BOK: variants seen among roughly 807,000 people sequenced by gnomAD.
BOK encodes the protein bcl-2-related ovarian killer protein.
Under a neutral mutation model 18.3 loss-of-function variants are expected in BOK, and 20 were observed. The ratio of observed to expected loss-of-function variants is 1.09; its 90% CI spans 0.77 to 1.59. BOK has a LOEUF of 1.59. Among genes scored for constraint, BOK ranks in the 40% most tolerant of loss-of-function variants. BOK has a pLI of 0.00. For missense variants in BOK, 348 were observed against 307.9 expected (o/e 1.13, Z -0.97); for synonymous variants, 173 against 142.4 (o/e 1.21, Z -1.53).
chr2:241,564,727 G>A (rs1395923780), intron 3 of BOK, among the ~76,000 whole-genome samples: 1 of 152,194 alleles, frequency 6.6e-6, no homozygotes, highest in African/African-American at 2.4e-5. Flanking sequence ...GGGGTGGAAG[G>A]CATCCTGGGC....
At chr2:241,568,629 G>A (rs1034293091) in intron 3 of BOK, among the ~76,000 whole-genome samples, 7 of 152,048 alleles carry the variant, frequency 4.6e-5, no homozygotes, top group Non-Finnish European at 1.0e-4. Flanking sequence ...TGTTGGCCGG[G>A]CTGGTCTTGA....
At chr2:241,571,705 A>G (rs1170940675) in intron 4 of BOK, among the ~76,000 whole-genome samples, 1 of 152,246 alleles carries the variant, frequency 6.6e-6, no homozygotes, top group African/African-American at 2.4e-5. Context: ...TCCAGGCTGC[A>G]GGGAAAAGCC....
chr2:241,572,275 C>G (rs555162600), intron 4 of BOK, 22 bp from the exon 5 acceptor site: 4 of 1,607,078 alleles, frequency 2.5e-6, no homozygotes, highest in Non-Finnish European at 3.4e-6. Context: ...TGCTTTCTAA[C>G]GGTCTCCCTC....
chr2:241,559,410 C>G, intron 1 of BOK, 45 bp from the exon 2 acceptor site: 1 of 1,229,924 alleles, frequency 8.1e-7, no homozygotes, highest in Non-Finnish European at 1.0e-6. Flanking sequence ...GCGCCCCGTT[C>G]CCCGCGCCGC....
rs910074611 is a variant in BOK, at chr2:241,560,076, T to C, written c.220+373T>C. The C allele has an allele frequency of 1.7e-5, 17 of 985,304 alleles. No individual in the cohort carries two copies. In the South Asian group the frequency reaches 6.1e-4, roughly 35 times the overall value. 61.0% of individuals were successfully genotyped at this position (985,304 alleles called of 1,614,324 possible). A position where few individuals can be genotyped will look rare whatever the true frequency, so the allele number is the denominator to read the frequency against. Reference sequence around the variant, plus strand: ...ATGTTTATTTTGGAAAACAGATTCTTGCTGTTACTGGCCGAGATCCCGCCC... The same window carrying C: ...ATGTTTATTTTGGAAAACAGATTCTCGCTGTTACTGGCCGAGATCCCGCCC... On this transcript the variant is annotated intron_variant, in intron 2 of 4. Coordinates refer to ENST00000318407, the MANE Select transcript of BOK (RefSeq NM_032515.5).
At chr2:241,552,844 C>T (rs1034464553) in intron 1 of BOK, among the ~76,000 whole-genome samples, 2 of 152,218 alleles carry the variant, frequency 1.3e-5, no homozygotes, top group South Asian at 4.1e-4. Flanking sequence ...CAGGTACTGC[C>T]CTCCTCAGAG....
At chr2:241,564,502 G>C in intron 3 of BOK, among the ~76,000 whole-genome samples, 1 of 151,392 alleles carries the variant, frequency 6.6e-6, no homozygotes, top group Admixed American at 6.6e-5. Flanking sequence ...TCATGGGGCA[G>C]ACCTGAGTCG....
chr2:241,554,868 C>T (rs560096820), upstream of BOK, among the ~76,000 whole-genome samples: 6 of 152,330 alleles, frequency 3.9e-5, no homozygotes, highest in South Asian at 2.1e-4. Flanking sequence ...CTGGTATCAG[C>T]GCTCAGAAGC....
At chr2:241,561,460 G>A (rs2066526328) in intron 2 of BOK, among the ~76,000 whole-genome samples, 1 of 144,398 alleles carries the variant, frequency 6.9e-6, no homozygotes, top group African/African-American at 2.6e-5. Flanking sequence ...AGGTGGGAGC[G>A]TGGCAGTGCG....
At chr2:241,568,484 C>G (rs2066651903) in intron 3 of BOK, among the ~76,000 whole-genome samples, 1 of 152,126 alleles carries the variant, frequency 6.6e-6, no homozygotes, top group African/African-American at 2.4e-5. Flanking sequence ...GTGGTGCGAT[C>G]TGGGCTCACT....
intron 3 of BOK, among the ~76,000 whole-genome samples, chr2:241,567,212 C>T (rs753329666): frequency 1.5e-5 from 2 of 130,752 alleles, no homozygotes; most frequent in Non-Finnish European, 3.2e-5. Flanking sequence ...TTGCAACCTC[C>T]GCCACCCGGG....
chr2:241,570,397 G>T, intron 4 of BOK, 109 bp downstream of exon 4: 2 of 784,850 alleles, frequency 2.5e-6, no homozygotes, highest in Non-Finnish European at 1.8e-6. Flanking sequence ...GGGTGGGAGA[G>T]CTGGGGTGCG....
rs1337963466 is a variant in BOK at position 241,573,785 on chromosome 2, TG to T, written c.*1366del. The stretch of plus-strand genomic sequence containing the variant: ...AGGGCTCCGTAAGAACTCAGATGCC[TG>T]GGAAGCCCAGCCCCTCAGGTGCCCC... On this transcript the variant is annotated 3_prime_UTR_variant, in exon 5 of 5. Transcript: ENST00000318407. The T allele has an allele frequency of 6.6e-6, 1 of 152,332 alleles. No homozygotes were observed. The highest frequency in any genetic ancestry group is 1.5e-5 in the Non-Finnish European group (1 of 68,090). The allele number at this position is 152,332 out of a possible 1,614,324, so 9.4% of individuals were successfully genotyped here. A position where few individuals can be genotyped will look rare whatever the true frequency, so the allele number is the denominator to read the frequency against.
Position 241,559,450 on chromosome 2 carries a change from C to G in BOK, c.-29-5C>G. The G allele has an allele frequency of 7.1e-7, 1 of 1,410,992 alleles. No homozygotes were observed. The allele number at this position is 1,410,992 out of a possible 1,614,324, so 87.4% of individuals were successfully genotyped here. ...CTCCACCCGGCTGAGCGCTTGTGCC[C>G]GCAGGTGCGGCGCCCCCCACCCGCG... is the stretch of plus-strand genomic sequence containing the variant. On this transcript the variant is annotated splice_polypyrimidine_tract_variant and splice_region_variant and intron_variant, in intron 1 of 4. Transcript: ENST00000318407.
intron 3 of BOK, among the ~76,000 whole-genome samples, chr2:241,564,825 C>T (rs529492919): frequency 1.3e-5 from 2 of 152,320 alleles, no homozygotes; most frequent in East Asian, 3.9e-4. Context: ...GGTTTACGAG[C>T]TGCAGGCTGG....
intron 2 of BOK, 51 bp downstream of exon 2, chr2:241,559,754 C>G: frequency 7.8e-7 from 1 of 1,276,244 alleles, no homozygotes; most frequent in Non-Finnish European, 9.9e-7. Flanking sequence ...CCTGCTGGGC[C>G]GCAGCCTCCC....
intron 1 of BOK, among the ~76,000 whole-genome samples, chr2:241,552,224 C>T (rs1411453850): frequency 1.3e-5 from 2 of 152,174 alleles, no homozygotes; most frequent in Non-Finnish European, 2.9e-5. Context: ...ACCCCATGCA[C>T]AGGAACTGGC....
chr2:241,559,948 A>G (rs2066501592), intron 2 of BOK: 2 of 638,202 alleles, frequency 3.1e-6, no homozygotes, highest in African/African-American at 4.0e-5. Flanking sequence ...CATAAACAAT[A>G]GAAAGCTCCA....
chr2:241,563,367 C>T (rs977490257), intron 3 of BOK, among the ~76,000 whole-genome samples: 1 of 152,188 alleles, frequency 6.6e-6, no homozygotes, highest in Non-Finnish European at 1.5e-5. Context: ...GGGTCCTGTC[C>T]TGGCACCCCG....
Sources: gnomAD v4.1 joint callset for allele counts (sites outside exome capture counted in the v4.1 genomes callset) on GRCh38, gnomAD v4.1.1 for gene constraint, MANE v1.5 for transcripts, NCBI Gene and HGNC (gene_info 2026-07-23, HGNC 2026-07-21) for gene names.